Variants in MYRIP observed in about 807,000 individuals in gnomAD.
The protein encoded by MYRIP is rab effector MyRIP.
In MYRIP, 49 loss-of-function variants were observed where a neutral mutation model predicts 98.0. The ratio of observed to expected loss-of-function variants is 0.50; its 90% CI spans 0.40 to 0.63. The LOEUF (loss-of-function observed/expected upper bound fraction) is 0.63. Ranked by LOEUF, MYRIP falls within the 30% of genes least tolerant of loss-of-function variation. The pLI is 0.00. For synonymous variants in MYRIP, 404 were observed against 409.5 expected (o/e 0.99, Z 0.16); for missense variants, 1,004 against 1,058.2 (o/e 0.95, Z 0.71).
chr3:40,043,921 G>T, intron 2 of MYRIP, 129 bp from the exon 3 acceptor site: 1 of 702,128 alleles, frequency 1.4e-6, no homozygotes, highest in East Asian at 2.7e-5. Context: ...GAGTTCTCTT[G>T]TTCTCCAGGA....
chr3:39,948,219 T>A (rs1483206752), intron 2 of MYRIP, among the ~76,000 whole-genome samples: 1 of 152,206 alleles, frequency 6.6e-6, no homozygotes, highest in Non-Finnish European at 1.5e-5. Context: ...AATGGAGTCC[T>A]CTGGCTCCAG....
chr3:40,007,952 C>T (rs1464097934), intron 2 of MYRIP, among the ~76,000 whole-genome samples: 1 of 152,200 alleles, frequency 6.6e-6, no homozygotes, highest in Non-Finnish European at 1.5e-5. Flanking sequence ...AACACCTTGA[C>T]AAGAACACCC....
chr3:40,061,851 G>A (rs1288175005), intron 3 of MYRIP, among the ~76,000 whole-genome samples: 2 of 152,214 alleles, frequency 1.3e-5, no homozygotes, highest in East Asian at 3.9e-4. Flanking sequence ...CTAATGATCA[G>A]TGATATTGGA....
intron 12 of MYRIP, among the ~76,000 whole-genome samples, chr3:40,234,992 CAAAAA>C (rs34515561): frequency 9.0e-6 from 1 of 111,582 alleles, no homozygotes; most frequent in Admixed American, 9.2e-5. Context: ...GACCCTGTCT[CAAAAA>C]AAAAAAAAAA....
At chr3:40,004,816 T>C (rs577769201) in intron 2 of MYRIP, among the ~76,000 whole-genome samples, 1 of 152,142 alleles carries the variant, frequency 6.6e-6, no homozygotes, top group Non-Finnish European at 1.5e-5. Flanking sequence ...TTCCAAGAGA[T>C]ACATGTGCAG....
chr3:39,929,802 A>C (rs1944497372), intron 2 of MYRIP, among the ~76,000 whole-genome samples: 1 of 151,974 alleles, frequency 6.6e-6, no homozygotes, highest in African/African-American at 2.4e-5. Context: ...TATTCTGGAC[A>C]CTTTATGTGT....
At chr3:39,975,336 A>G (rs1419143671) in intron 2 of MYRIP, among the ~76,000 whole-genome samples, 2 of 152,154 alleles carry the variant, frequency 1.3e-5, no homozygotes, top group Non-Finnish European at 2.9e-5. Context: ...AATCCGATTT[A>G]CAAGGGACGT....
At chr3:40,043,962 G>T in intron 2 of MYRIP, 88 bp from the exon 3 acceptor site, 1 of 1,257,956 alleles carries the variant, frequency 7.9e-7, no homozygotes, top group East Asian at 2.5e-5. Flanking sequence ...GCCTAAGGGA[G>T]GGACAGGGTG....
intron 2 of MYRIP, among the ~76,000 whole-genome samples, chr3:40,027,987 G>A (rs778294041): frequency 7.9e-5 from 12 of 152,082 alleles, no homozygotes; most frequent in Non-Finnish European, 1.6e-4. Flanking sequence ...GAAAAAGAGG[G>A]CCAAGCTCAC....
intron 3 of MYRIP, among the ~76,000 whole-genome samples, chr3:40,078,241 G>A (rs904907134): frequency 1.3e-5 from 2 of 152,192 alleles, no homozygotes; most frequent in African/African-American, 2.4e-5. Context: ...CCAAGCCCAC[G>A]CCCACCCGGA....
chr3:40,244,111 T>A (rs1188863113), intron 12 of MYRIP, among the ~76,000 whole-genome samples: 1 of 152,210 alleles, frequency 6.6e-6, no homozygotes, highest in East Asian at 1.9e-4. Flanking sequence ...GTCTCTTTGT[T>A]TCTTCTTTAT....
At chr3:40,031,705 G>A (rs972153105) in intron 2 of MYRIP, among the ~76,000 whole-genome samples, 11 of 152,090 alleles carry the variant, frequency 7.2e-5, no homozygotes, top group Non-Finnish European at 1.3e-4. Flanking sequence ...CTTCTTCCTG[G>A]TTTAGTCTTG....
chr3:39,919,691 GTGGTGTGTGTGTGT>G (rs1290280241), intron 2 of MYRIP, among the ~76,000 whole-genome samples: 106 of 143,700 alleles, frequency 7.4e-4, no homozygotes, highest in African/African-American at 2.8e-3. Flanking sequence ...GCGGGTATGT[GTGGTGTGTGTGTGT>G]GTGTGTGTGT....
intron 1 of MYRIP, among the ~76,000 whole-genome samples, chr3:39,891,182 G>GC (rs1943477840): frequency 1.3e-5 from 2 of 151,776 alleles, no homozygotes. Flanking sequence ...CAAGAAATCA[G>GC]CCTGTTTTTT....
chr3:39,938,260 T>A (rs1665674881), intron 2 of MYRIP, among the ~76,000 whole-genome samples: 1 of 152,176 alleles, frequency 6.6e-6, no homozygotes, highest in African/African-American at 2.4e-5. Flanking sequence ...TATAAATATA[T>A]CCTCTTTCGA....
rs1488277970 is a variant in MYRIP, at chr3:40,115,036, G to A, written c.333-36012G>A. 2.6e-5 allele frequency among the ~76,000 whole-genome samples: 4 copies of A among 152,010 alleles called. No individual in the cohort carries two copies. In the South Asian group the frequency reaches 6.2e-4, roughly 24 times the overall value. ...TTTCCATAGTAGAATATTCTACAAT[G>A]AGGGAAAAAAGAATGAAGTATTTCT... On this transcript the variant is annotated intron_variant, in intron 3 of 16. Transcript: ENST00000302541.
At chr3:39,880,172 T>G (rs11708535) in intron 1 of MYRIP, among the ~76,000 whole-genome samples, 22,029 of 152,140 alleles carry the variant, frequency 0.14, 1,603 homozygotes, top group Middle Eastern at 0.19. Context: ...TCGTCATTTA[T>G]CATTAGGTAT....
intron 2 of MYRIP, among the ~76,000 whole-genome samples, chr3:39,961,032 C>T (rs1311221704): frequency 2.6e-5 from 4 of 152,162 alleles, no homozygotes; most frequent in East Asian, 1.9e-4. Context: ...TTCCTCTTCT[C>T]ATTCAAATCT....
chr3:39,960,939 G>A (rs1394868818), intron 2 of MYRIP, among the ~76,000 whole-genome samples: 1 of 152,152 alleles, frequency 6.6e-6, no homozygotes, highest in Admixed American at 6.6e-5. Context: ...TCATGGTGAG[G>A]AGAAGTGCAG....
Sources: gnomAD v4.1 joint callset for allele counts (sites outside exome capture counted in the v4.1 genomes callset) on GRCh38, gnomAD v4.1.1 for gene constraint, MANE v1.5 for transcripts, NCBI Gene and HGNC (gene_info 2026-07-23, HGNC 2026-07-21) for gene names.